GALNT13: variants seen among roughly 807,000 people sequenced by gnomAD.
GALNT13 encodes polypeptide N-acetylgalactosaminyltransferase 13.
GALNT13 carries 28 observed loss-of-function variants against 64.2 expected under a neutral mutation model. The observed-to-expected ratio is 0.44, with a 90% CI of 0.32 to 0.60. GALNT13 has a LOEUF of 0.60. Ranked by LOEUF, GALNT13 falls within the 20% of genes least tolerant of loss-of-function variation. GALNT13 has a pLI of 0.05. For synonymous variants in GALNT13, 214 were observed against 224.6 expected (o/e 0.95, Z 0.42); for missense variants, 577 against 669.8 (o/e 0.86, Z 1.53).
chr2:153,115,206 G>T, the GALNT13 span, among the ~76,000 whole-genome samples: 1 of 152,054 alleles, frequency 6.6e-6, no homozygotes, highest in Non-Finnish European at 1.5e-5. Context: ...GATATTCCTG[G>T]GTCATCACTC....
the GALNT13 span, among the ~76,000 whole-genome samples, chr2:153,550,615 C>T: frequency 1.3e-5 from 2 of 152,174 alleles, no homozygotes; most frequent in Non-Finnish European, 2.9e-5. Flanking sequence ...CTGTTCATCA[C>T]TATTGCTATC....
chr2:153,892,729 T>G (rs1271493448), intron 1 of GALNT13, among the ~76,000 whole-genome samples: 1 of 152,002 alleles, frequency 6.6e-6, no homozygotes, highest in African/African-American at 2.4e-5. Flanking sequence ...AATATAAATT[T>G]CTTTATTTGG....
intron 9 of GALNT13, among the ~76,000 whole-genome samples, chr2:154,359,726 T>A (rs1468514504): frequency 6.6e-6 from 1 of 152,138 alleles, no homozygotes; most frequent in African/African-American, 2.4e-5. Context: ...ATGATTTTCC[T>A]TACCCATTGA....
chr2:153,889,845 C>T (rs971427559), intron 1 of GALNT13, among the ~76,000 whole-genome samples: 3 of 151,982 alleles, frequency 2.0e-5, no homozygotes, highest in Admixed American at 6.6e-5. Flanking sequence ...TATTGAGATA[C>T]ATACTTACCA....
chr2:153,915,079 C>T (rs566736555), intron 2 of GALNT13, among the ~76,000 whole-genome samples: 1 of 152,206 alleles, frequency 6.6e-6, no homozygotes, highest in African/African-American at 2.4e-5. Context: ...TCCTGCTCTT[C>T]CCCCAGTGTT....
chr2:153,687,303 A>C, the GALNT13 span, among the ~76,000 whole-genome samples: 1 of 151,886 alleles, frequency 6.6e-6, no homozygotes, highest in African/African-American at 2.4e-5. Flanking sequence ...GCTATTTAAC[A>C]CTGCTCAGTT....
chr2:154,296,230 T>C (rs1159310597), intron 8 of GALNT13, among the ~76,000 whole-genome samples: 1 of 152,188 alleles, frequency 6.6e-6, no homozygotes, highest in African/African-American at 2.4e-5. Flanking sequence ...TCAATTCTGC[T>C]GGAACAACCT....
At chr2:153,491,293 C>G in the GALNT13 span, among the ~76,000 whole-genome samples, 1 of 151,838 alleles carries the variant, frequency 6.6e-6, no homozygotes, top group East Asian at 1.9e-4. Flanking sequence ...TGTGAAGCTT[C>G]ACAAAGGAAA....
At chr2:153,637,649 T>C in the GALNT13 span, among the ~76,000 whole-genome samples, 5 of 152,194 alleles carry the variant, frequency 3.3e-5, no homozygotes, top group African/African-American at 7.2e-5. Flanking sequence ...TTATTCTATA[T>C]GCAGAATTTT....
the GALNT13 span, among the ~76,000 whole-genome samples, chr2:153,691,368 A>G: frequency 6.6e-6 from 1 of 152,174 alleles, no homozygotes; most frequent in Non-Finnish European, 1.5e-5. Context: ...TGATCTAGGT[A>G]CTATTTACAT....
the GALNT13 span, among the ~76,000 whole-genome samples, chr2:153,427,707 TA>T: frequency 6.6e-6 from 1 of 152,194 alleles, no homozygotes; most frequent in Admixed American, 6.5e-5. Context: ...GACTATTTTT[TA>T]ATTTATACAC....
intron 3 of GALNT13, among the ~76,000 whole-genome samples, chr2:154,081,242 T>C (rs1286562569): frequency 6.6e-6 from 1 of 151,632 alleles, no homozygotes; most frequent in African/African-American, 2.4e-5. Flanking sequence ...TTGTCACTTG[T>C]ATTTTTCTTT....
At chr2:154,353,317 A>T (rs557274893) in intron 9 of GALNT13, among the ~76,000 whole-genome samples, 2 of 152,292 alleles carry the variant, frequency 1.3e-5, no homozygotes, top group South Asian at 4.2e-4. Context: ...AATGGGGTAT[A>T]ACTGAGGTTT....
At chr2:153,608,985 T>C in the GALNT13 span, among the ~76,000 whole-genome samples, 4 of 150,948 alleles carry the variant, frequency 2.6e-5, no homozygotes, top group African/African-American at 9.7e-5. Context: ...GGCGAAATCT[T>C]GTCTCACTGC....
chr2:154,175,605 G>C (rs368720057), intron 4 of GALNT13, among the ~76,000 whole-genome samples: 54 of 152,064 alleles, frequency 3.6e-4, no homozygotes, highest in African/African-American at 1.2e-3. Context: ...AGGCTCCTTG[G>C]AAAATCTTGT....
At chr2:154,366,570 A>G (rs922260948) in intron 9 of GALNT13, among the ~76,000 whole-genome samples, 3 of 152,190 alleles carry the variant, frequency 2.0e-5, no homozygotes, top group African/African-American at 7.2e-5. Context: ...GCAAATTCAA[A>G]TCTGCTCCAA....
chr2:153,794,288 A>C, the GALNT13 span, among the ~76,000 whole-genome samples: 1 of 152,204 alleles, frequency 6.6e-6, no homozygotes, highest in Non-Finnish European at 1.5e-5. Context: ...TTAGTGTTCT[A>C]CTTTTCTTTT....
chr2:153,784,848 G>A, the GALNT13 span, among the ~76,000 whole-genome samples: 1 of 151,622 alleles, frequency 6.6e-6, no homozygotes, highest in African/African-American at 2.4e-5. Flanking sequence ...GGGACAGGTG[G>A]GCCACCATCT....
At chr2:153,098,955 A>G in the GALNT13 span, among the ~76,000 whole-genome samples, 1 of 152,180 alleles carries the variant, frequency 6.6e-6, no homozygotes, top group Non-Finnish European at 1.5e-5. Context: ...AACTCACTGT[A>G]AATATGATAA....
Sources: allele counts gnomAD v4.1 joint callset (sites outside exome capture counted in the v4.1 genomes callset), GRCh38; gene constraint gnomAD v4.1.1; transcripts MANE v1.5; gene names NCBI Gene and HGNC (gene_info 2026-07-23, HGNC 2026-07-21).